PTPRD: variants seen among roughly 807,000 people sequenced by gnomAD.
The protein encoded by PTPRD is receptor-type tyrosine-protein phosphatase delta.
PTPRD carries 34 observed loss-of-function variants against 214.5 expected under a neutral mutation model. That is an observed-to-expected ratio of 0.16 (90% confidence interval 0.12 to 0.21). PTPRD has a LOEUF of 0.21. PTPRD is among the 10% of genes least tolerant of loss of function. PTPRD has a pLI of 1.00. For synonymous variants in PTPRD, 1,128 were observed against 845.7 expected, an observed-to-expected ratio of 1.33 and a Z score of -5.79; for missense variants, 2,545 against 2,398.7, an observed-to-expected ratio of 1.06 and a Z score of -1.27.
chr9:9,794,548 T>C (rs903963080), intron 5 of PTPRD, among the ~76,000 whole-genome samples: 4 of 152,184 alleles, frequency 2.6e-5, no homozygotes, highest in East Asian at 3.9e-4. Flanking sequence ...TACTGAACGA[T>C]AAGCTAATCA....
At chr9:9,509,992 T>A (rs1463732409) in intron 8 of PTPRD, among the ~76,000 whole-genome samples, 1 of 151,242 alleles carries the variant, frequency 6.6e-6, no homozygotes, top group Non-Finnish European at 1.5e-5. Context: ...GCAAGAAGAG[T>A]GAGAAATCAG....
At chr9:10,395,053 G>A (rs2098141540) in intron 2 of PTPRD, among the ~76,000 whole-genome samples, 1 of 148,350 alleles carries the variant, frequency 6.7e-6, no homozygotes, top group South Asian at 2.1e-4. Flanking sequence ...CTTGGTAAAT[G>A]CTGAGAAATG....
Position 8,737,112 on chromosome 9 carries a change from T to C in PTPRD, c.-103-3166A>G, listed in dbSNP as rs186459601. Reference sequence around the variant, plus strand: ...CACTCAGGGAAGAAGTGATTTGGCTTTTCCTCCTACTCAGCTGAAGTGCAT... The same window carrying C: ...CACTCAGGGAAGAAGTGATTTGGCTCTTCCTCCTACTCAGCTGAAGTGCAT... On this transcript the variant is annotated intron_variant, in intron 11 of 45. Transcript: ENST00000381196. 1.1e-4 allele frequency among the ~76,000 whole-genome samples: 17 copies of C among 152,318 alleles called. No individual in the cohort carries two copies. The East Asian group carries it at 3.1e-3, about 28-fold the overall frequency.
rs566758971 is a variant in PTPRD at position 10,596,274 on chromosome 9, G to A, written c.-600+16124C>T. Among the ~76,000 whole-genome samples, 7 of 151,584 alleles carry A rather than the reference G, an allele frequency of 4.6e-5. No individual in the cohort carries two copies. In the East Asian group the frequency reaches 1.2e-3, roughly 25 times the overall value. The stretch of plus-strand genomic sequence containing the variant: ...TCTTTAATAAGACAGAACTTACATT[G>A]AACACACAAAAAGTAAAAGTTGTTA... On this transcript the variant is annotated intron_variant, in intron 2 of 45. Coordinates refer to ENST00000381196, the MANE Select transcript of PTPRD (RefSeq NM_002839.4).
chr9:9,952,919 G>T (rs1420426085), intron 4 of PTPRD, among the ~76,000 whole-genome samples: 6 of 152,022 alleles, frequency 3.9e-5, no homozygotes, highest in Admixed American at 3.9e-4. Flanking sequence ...ACCTATATAA[G>T]AATGATATAA....
chr9:9,762,610 T>A (rs961051255), intron 6 of PTPRD, among the ~76,000 whole-genome samples: 5 of 152,198 alleles, frequency 3.3e-5, no homozygotes, highest in African/African-American at 1.2e-4. Flanking sequence ...TAGAACACTA[T>A]TCAGCCAAGT....
In PTPRD at chr9:8,500,558, G is replaced by GAAAAA. The variant is rs146807692; in HGVS notation, c.2128+191_2128+195dup. Among the ~76,000 whole-genome samples the GAAAAA allele has an allele frequency of 6.2e-3, 89 of 14,316 alleles. 23 individuals carry two copies. Among genetic ancestry groups the GAAAAA allele is most frequent in the South Asian group, 8.3e-3 (2 of 242 alleles). 9.4% of individuals were successfully genotyped at this position (14,316 alleles called of 152,430 possible). A position where few individuals can be genotyped will look rare whatever the true frequency, so the allele number is the denominator to read the frequency against. ...TTACTGCATTGAGATTGAAAAAAAT[G>GAAAAA]AAAAAAAAAAAAAAAAAAAAAAAAA... On this transcript the variant is annotated intron_variant, in intron 24 of 45. Coordinates refer to ENST00000381196, the MANE Select transcript of PTPRD (RefSeq NM_002839.4).
chr9:9,769,672 C>T (rs1420692335), intron 5 of PTPRD, among the ~76,000 whole-genome samples: 1 of 152,024 alleles, frequency 6.6e-6, no homozygotes, highest in African/African-American at 2.4e-5. Flanking sequence ...AGGTTTGTTA[C>T]ACAGGTATAT....
chr9:8,880,645 C>T (rs186732705), intron 11 of PTPRD, among the ~76,000 whole-genome samples: 2 of 152,164 alleles, frequency 1.3e-5, no homozygotes, highest in Admixed American at 1.3e-4. Context: ...CCAACTCATG[C>T]TGTTATTCCT....
chr9:8,530,117 G>C (rs887942260), intron 14 of PTPRD, among the ~76,000 whole-genome samples: 6 of 152,022 alleles, frequency 3.9e-5, no homozygotes, highest in Non-Finnish European at 8.8e-5. Context: ...ACAGTTGATG[G>C]TGAATCATAC....
intron 14 of PTPRD, among the ~76,000 whole-genome samples, chr9:8,550,522 A>G (rs1321475185): frequency 6.6e-6 from 1 of 152,228 alleles, no homozygotes; most frequent in Non-Finnish European, 1.5e-5. Context: ...TAAATGACCT[A>G]CTGGATAATG....
chr9:10,311,265 G>A (rs768714894), intron 3 of PTPRD, among the ~76,000 whole-genome samples: 39 of 151,842 alleles, frequency 2.6e-4, no homozygotes, highest in Middle Eastern at 3.4e-3. Context: ...TCTTCACAAT[G>A]CCTTTTTCTA....
intron 3 of PTPRD, among the ~76,000 whole-genome samples, chr9:10,209,224 A>G (rs2099502588): frequency 6.6e-6 from 1 of 152,204 alleles, no homozygotes; most frequent in South Asian, 2.1e-4. Context: ...AAGGATTTGG[A>G]AAGAAGTAAA....
intron 14 of PTPRD, among the ~76,000 whole-genome samples, chr9:8,560,199 A>C (rs1302707373): frequency 6.6e-6 from 1 of 152,174 alleles, no homozygotes; most frequent in Non-Finnish European, 1.5e-5. Context: ...CAATGTTTAT[A>C]ATCTCTCAAT....
At chr9:9,204,571 C>G (rs1210080610) in intron 9 of PTPRD, among the ~76,000 whole-genome samples, 1 of 152,104 alleles carries the variant, frequency 6.6e-6, no homozygotes, top group Non-Finnish European at 1.5e-5. Context: ...CTATATAACT[C>G]TGGCTTAATT....
chr9:10,053,025 A>T (rs186018409), intron 3 of PTPRD, among the ~76,000 whole-genome samples: 2 of 152,322 alleles, frequency 1.3e-5, no homozygotes, highest in East Asian at 1.9e-4. Flanking sequence ...TGCATAATGC[A>T]TATAATGAAC....
In PTPRD at chr9:9,653,308, G is replaced by A. The variant is rs898885489; in HGVS notation, c.-286-78527C>T. Among the ~76,000 whole-genome samples, 3 of 114,986 alleles carry A rather than the reference G, an allele frequency of 2.6e-5. No homozygotes were observed. In the Admixed American group the frequency reaches 3.6e-4, roughly 14 times the overall value. 75.4% of individuals were successfully genotyped at this position (114,986 alleles called of 152,430 possible). The stretch of plus-strand genomic sequence containing the variant: ...AGTGAGCCGAGATTGCGCCACTGCA[G>A]TCCGCAGTCCGGCCTGGGCGACAGA... On this transcript the variant is annotated intron_variant, in intron 7 of 45. Transcript: ENST00000381196.
intron 8 of PTPRD, among the ~76,000 whole-genome samples, chr9:9,438,066 C>G (rs1194731461): frequency 6.6e-6 from 1 of 152,148 alleles, no homozygotes; most frequent in Non-Finnish European, 1.5e-5. Flanking sequence ...GGCTTTCCCT[C>G]TGTGTGCTTC....
At chr9:10,508,166 G>A (rs1589703380) in intron 2 of PTPRD, among the ~76,000 whole-genome samples, 2 of 152,160 alleles carry the variant, frequency 1.3e-5, no homozygotes, top group African/African-American at 4.8e-5. Flanking sequence ...AAAAGAAGAC[G>A]TTTATGCAGC....
Sources: gnomAD v4.1 joint callset for allele counts (sites outside exome capture counted in the v4.1 genomes callset) on GRCh38, gnomAD v4.1.1 for gene constraint, MANE v1.5 for transcripts, NCBI Gene and HGNC (gene_info 2026-07-23, HGNC 2026-07-21) for gene names.